The following DNAH1 variants were observed in gnomAD, a reference collection of about 807,000 sequenced individuals.
DNAH1 encodes dynein axonemal heavy chain 1.
DNAH1 carries 327 observed loss-of-function variants against 484.3 expected under a neutral mutation model. The observed-to-expected ratio is 0.68, with a 90% CI of 0.62 to 0.74. The LOEUF (loss-of-function observed/expected upper bound fraction) is 0.74, where lower values mean the gene tolerates loss of function less well. Among genes scored for constraint, DNAH1 ranks in the 30% least tolerant of loss-of-function variants. The pLI, the probability that DNAH1 is intolerant of heterozygous loss-of-function variation, is 0.00. For missense variants in DNAH1, 5,052 were observed against 5,546.8 expected (o/e 0.91, Z 2.83); for synonymous variants, 2,192 against 2,191.9 (o/e 1.00, Z 0.00).
chr3:52,332,961 C>G (rs767063239), intron 8 of DNAH1, among the ~76,000 whole-genome samples: 1 of 152,234 alleles, frequency 6.6e-6, no homozygotes, highest in Non-Finnish European at 1.5e-5. Context: ...CATCTTGGCT[C>G]ACTGTAGCCT....
At chr3:52,378,805 C>T (rs780910988) in intron 47 of DNAH1, 25 bp downstream of exon 47, 1 of 1,612,814 alleles carries the variant, frequency 6.2e-7, no homozygotes, top group Non-Finnish European at 8.5e-7. Flanking sequence ...GGCACCCTCC[C>T]CAGTGCCCAC....
At chr3:52,397,478 A>AGGGGCAGGGAATGGATGGCAGTAACAAG (rs549794408) in intron 73 of DNAH1, among the ~76,000 whole-genome samples, 323 of 152,222 alleles carry the variant, frequency 2.1e-3, no homozygotes, top group African/African-American at 7.5e-3. Context: ...CACTGAATAG[A>AGGGGCAGGGAATGGATGGCAGTAACAAG]GGGGCAGGGA....
At chr3:52,316,741 A>T (rs1700964557) in intron 1 of DNAH1, among the ~76,000 whole-genome samples, 196 bp downstream of exon 1, 1 of 152,204 alleles carries the variant, frequency 6.6e-6, no homozygotes, top group African/African-American at 2.4e-5. Flanking sequence ...TCAGTTCCAG[A>T]CACTTAGTGC....
chr3:52,389,663 C>G, intron 60 of DNAH1, 77 bp downstream of exon 60: 9 of 1,261,930 alleles, frequency 7.1e-6, no homozygotes, highest in Non-Finnish European at 9.0e-6. Context: ...CTTCTGCCTC[C>G]TTCCTACCCT....
In DNAH1 at chr3:52,396,846, C is replaced by T. The variant is rs138562064; in HGVS notation, c.11611-22C>T. The T allele has an allele frequency of 5.0e-6, 8 of 1,585,192 alleles. No individual in the cohort carries two copies. The African/African-American group carries it at 6.7e-5, about 13-fold the overall frequency. ...CTGGGGGACTGGGCACTTAGGGGAG[C>T]CCTCACCCACCCACCCCATAGGTCC... is the stretch of plus-strand genomic sequence containing the variant. On this transcript the variant is annotated intron_variant, in intron 72 of 77. Coordinates refer to ENST00000420323, the MANE Select transcript of DNAH1 (RefSeq NM_015512.5).
intron 1 of DNAH1, 26 bp downstream of exon 1, chr3:52,316,571 G>A (rs1700958912): frequency 6.6e-6 from 1 of 152,274 alleles, no homozygotes; most frequent in Non-Finnish European, 1.5e-5. Flanking sequence ...CCAGATGCAG[G>A]AGTGGATGGA....
intron 75 of DNAH1, among the ~76,000 whole-genome samples, chr3:52,398,445 G>A (rs1301206526): frequency 1.3e-5 from 2 of 152,022 alleles, no homozygotes; most frequent in African/African-American, 2.4e-5. Context: ...CCTAATTAGC[G>A]CGCCCAGCTA....
chr3:52,314,348 C>G (rs730050), upstream of DNAH1, among the ~76,000 whole-genome samples: 6 of 152,164 alleles, frequency 3.9e-5, no homozygotes, highest in African/African-American at 9.6e-5. Context: ...AGGCATCCCC[C>G]CCTTGGGCCG....
rs559064479 is a variant in DNAH1 at position 52,332,308 on chromosome 3, T to C, written c.1200T>C (p.Ser400=). Residue 400 remains serine, a synonymous_variant, in exon 8 of 78, where the codon TCT becomes TCC. Transcript: ENST00000420323. ...ACTTGTATGTGGACTGCATGCCCTC[T>C]GACGGCCAGCATGTCATCAGTGAAC... ...LYNLYVDCMP[S]DGQHVISEQS... 1.9e-6 allele frequency: 3 copies of C among 1,614,090 alleles called. No individual in the cohort carries two copies. The South Asian group carries it at 3.3e-5, about 18-fold the overall frequency.
chr3:52,391,266 T>C lies in DNAH1; in HGVS notation c.9829T>C (p.Cys3277Arg). Residue 3277 changes from cysteine to arginine, a missense_variant, in exon 62 of 78, where the codon TGT becomes CGT. Around this residue, in one of 4 missense-constraint regions of DNAH1, gnomAD observed 2,929 missense variants for 3,409.4 expected, o/e 0.86. Coordinates refer to ENST00000420323, the MANE Select transcript of DNAH1 (RefSeq NM_015512.5). ...GAACGCCATCCGCTTTGGCAAGCCA[T>C]GTCTCCTGGAGAACGTGGGCGAGGA... Reference protein sequence around the residue: ...MENAIRFGKPCLLENVGEELD... With the variant: ...MENAIRFGKPRLLENVGEELD... The C allele has an allele frequency of 1.2e-6, 2 of 1,613,656 alleles. No individual in the cohort carries two copies. Among genetic ancestry groups the C allele is most frequent in the Non-Finnish European group, 1.7e-6 (2 of 1,179,760 alleles).
chr3:52,382,276 G>A, intron 49 of DNAH1, 44 bp from the exon 50 acceptor site: 1 of 1,613,692 alleles, frequency 6.2e-7, no homozygotes, highest in Non-Finnish European at 8.5e-7. Context: ...TCAGCGTCTG[G>A]CCCCAAGTCC....
chr3:52,397,984 G>A, intron 74 of DNAH1, 48 bp from the exon 75 acceptor site: 1 of 1,599,292 alleles, frequency 6.3e-7, no homozygotes, highest in Non-Finnish European at 8.5e-7. Flanking sequence ...TCCCACAGGG[G>A]ATAAGGGGGC....
At chr3:52,337,796 T>G (rs1207593235) in intron 8 of DNAH1, among the ~76,000 whole-genome samples, 1 of 152,172 alleles carries the variant, frequency 6.6e-6, no homozygotes, top group Non-Finnish European at 1.5e-5. Flanking sequence ...TTGTTGTTTG[T>G]TTTGTTTTGT....
At chr3:52,393,997 C>T (rs1272375211) in intron 66 of DNAH1, among the ~76,000 whole-genome samples, 1 of 152,274 alleles carries the variant, frequency 6.6e-6, no homozygotes, top group Non-Finnish European at 1.5e-5. Flanking sequence ...CACAGGCCTT[C>T]TCGAGCCTTG....
chr3:52,353,254 C>A lies in DNAH1; in HGVS notation c.3179C>A (p.Ala1060Asp), dbSNP rs1272282259. ...AEQLEKNVVE[A>D]FKTMHKCVKQ... ...CAGCTGGAGAAGAACGTGGTTGAAG[C>A]CTTCAAGACCATGCACAAGTGCGTG... is the stretch of plus-strand genomic sequence containing the variant. Residue 1060 changes from alanine (A) to aspartate (D), a missense_variant, in exon 19 of 78, where the codon GCC becomes GAC. By Grantham distance (126) the Ala-to-Asp change is moderately radical. Transcript: ENST00000420323. The surrounding 1 kb of genome is among the most constrained non-coding windows in gnomAD (Gnocchi z 5.0). 7.4e-6 allele frequency: 12 copies of A among 1,613,998 alleles called. No individual in the cohort carries two copies. Among genetic ancestry groups the A allele is most frequent in the African/African-American group, 1.3e-5 (1 of 75,064 alleles).
chr3:52,359,511 G>C, intron 26 of DNAH1, 125 bp downstream of exon 26: 3 of 1,325,220 alleles, frequency 2.3e-6, no homozygotes, highest in Non-Finnish European at 2.1e-6. Flanking sequence ...GTCTAAAGGG[G>C]AGGTCAGACA....
In DNAH1 at chr3:52,395,707, G is replaced by A; in HGVS notation, c.11259+29G>A. 6.2e-7 allele frequency: 1 copy of A among 1,604,968 alleles called. No individual in the cohort carries two copies. Among genetic ancestry groups the A allele is most frequent in the Non-Finnish European group, 8.5e-7 (1 of 1,175,372 alleles). ...TGTTGCCCTGCCCATCACAGACCCA[G>A]TGGGGCCGCCTCTGCATCCATCAGG... On this transcript the variant is annotated intron_variant, in intron 70 of 77. Transcript: ENST00000420323. The surrounding 1 kb of genome is among the most constrained non-coding windows in gnomAD (Gnocchi z 4.4).
In DNAH1 at chr3:52,358,001, C is replaced by T. The variant is rs554593985; in HGVS notation, c.4084C>T (p.Arg1362Trp). 2.4e-5 allele frequency: 39 copies of T among 1,601,936 alleles called. No homozygotes were observed. Among genetic ancestry groups the T allele is most frequent in the South Asian group, 1.4e-4 (13 of 90,128 alleles). ...HLRKCFENIA[R>W]LLFQEDLEIT... is the part of the protein sequence containing the mutation. ...GCGCAAGTGCTTCGAGAACATCGCT[C>T]GGGTGGGCAGCTGGGCCCGGGGCTC... Residue 1362 changes from arginine (R) to tryptophan (W), a missense_variant and splice_region_variant, in exon 24 of 78, where the codon CGG becomes TGG. Physicochemically the swap from Arg to Trp is moderately radical, Grantham distance 101. Around this residue, in one of 4 missense-constraint regions of DNAH1, gnomAD observed 2,929 missense variants for 3,409.4 expected, o/e 0.86. Coordinates refer to ENST00000420323, the MANE Select transcript of DNAH1 (RefSeq NM_015512.5). The surrounding 1 kb of genome is among the most constrained non-coding windows in gnomAD (Gnocchi z 4.2).
chr3:52,373,137 A>G (rs1465900902), intron 44 of DNAH1, 84 bp downstream of exon 44: 2 of 1,434,832 alleles, frequency 1.4e-6, no homozygotes, highest in African/African-American at 1.5e-5. Flanking sequence ...AAGGCCTACA[A>G]TACTTTAAGG....
Sources: allele counts gnomAD v4.1 joint callset (sites outside exome capture counted in the v4.1 genomes callset), GRCh38; gene constraint gnomAD v4.1.1; regional missense constraint gnomAD v4.1.1; non-coding constraint Gnocchi (gnomAD v3.1); transcripts MANE v1.5; gene names NCBI Gene and HGNC (gene_info 2026-07-23, HGNC 2026-07-21).